The following CDKAL1 variants were observed in gnomAD, a reference collection of about 807,000 sequenced individuals.
The protein encoded by CDKAL1 is CDKAL1 threonylcarbamoyladenosine tRNA methylthiotransferase.
A neutral mutation model predicts 68.2 loss-of-function variants in CDKAL1; 32 were observed. The observed-to-expected ratio is 0.47, with a 90% CI of 0.35 to 0.63. The LOEUF (loss-of-function observed/expected upper bound fraction) is 0.63. Among genes scored for constraint, CDKAL1 ranks in the 30% least tolerant of loss-of-function variants. The pLI, the probability that CDKAL1 is intolerant of heterozygous loss-of-function variation, is 0.00. For missense variants in CDKAL1, 606 were observed against 696.7 expected, an observed-to-expected ratio of 0.87 and a Z score of 1.47; for synonymous variants, 234 against 244.3, an observed-to-expected ratio of 0.96 and a Z score of 0.39.
chr6:20,750,497 G>T (rs1015136561), intron 6 of CDKAL1, among the ~76,000 whole-genome samples: 1 of 152,164 alleles, frequency 6.6e-6, no homozygotes, highest in Non-Finnish European at 1.5e-5. Context: ...GAAAGTTCAC[G>T]TTCAGTTGAA....
intron 6 of CDKAL1, among the ~76,000 whole-genome samples, chr6:20,756,929 TTCCCTTCCTTCCC>T (rs1774237115): frequency 1.6e-5 from 2 of 124,594 alleles, no homozygotes; most frequent in African/African-American, 6.1e-5. Flanking sequence ...CCTTCCCTCC[TTCCCTTCCTTCCC>T]TCCTTCCTTC....
chr6:21,161,392 A>C (rs1036859067), intron 13 of CDKAL1, among the ~76,000 whole-genome samples: 11 of 152,224 alleles, frequency 7.2e-5, no homozygotes, highest in Non-Finnish European at 1.5e-4. Context: ...GAAAAACAAT[A>C]TTGAATGGTA....
intron 14 of CDKAL1, 64 bp downstream of exon 14, chr6:21,198,168 C>CA (rs1328081504): frequency 8.9e-7 from 1 of 1,129,624 alleles, no homozygotes; most frequent in Admixed American, 2.0e-5. Flanking sequence ...AAAGTTTAAG[C>CA]AAAGGGCATT....
chr6:20,635,602 A>C (rs1424657628), intron 4 of CDKAL1, among the ~76,000 whole-genome samples: 2 of 152,178 alleles, frequency 1.3e-5, no homozygotes, highest in African/African-American at 4.8e-5. Context: ...TTACTCAAAA[A>C]GTTTCAGATT....
intron 13 of CDKAL1, among the ~76,000 whole-genome samples, chr6:21,194,691 A>G (rs1323091504): frequency 1.3e-5 from 2 of 152,222 alleles, no homozygotes; most frequent in African/African-American, 4.8e-5. Context: ...GACAGCATCT[A>G]GAAAGTGTAG....
At chr6:21,111,231 C>T (rs1285776216) in intron 13 of CDKAL1, among the ~76,000 whole-genome samples, 1 of 152,028 alleles carries the variant, frequency 6.6e-6, no homozygotes, top group East Asian at 1.9e-4. Flanking sequence ...TTCATTTTCC[C>T]CTTGACGTAA....
chr6:20,618,424 C>T (rs1457208991), intron 4 of CDKAL1, among the ~76,000 whole-genome samples: 1 of 152,098 alleles, frequency 6.6e-6, no homozygotes, highest in African/African-American at 2.4e-5. Flanking sequence ...TTAATTAGAT[C>T]CCATTTGTCA....
At chr6:20,558,475 C>A in intron 4 of CDKAL1, 1 of 455,672 alleles carries the variant, frequency 2.2e-6, no homozygotes, top group Non-Finnish European at 4.4e-6. Context: ...GTATGATAAA[C>A]AACTGGGGTT....
Position 20,609,260 on chromosome 6 carries a change from C to CCTTCTTCTTCCTCCTTCCTT in CDKAL1, c.287-40029_287-40028insTTCTTCCTCCTTCCTTCTTC, listed in dbSNP as rs111264710. Among the ~76,000 whole-genome samples the CCTTCTTCTTCCTCCTTCCTT allele has an allele frequency of 6.6e-3, 790 of 120,600 alleles. 14 individuals are homozygous for CCTTCTTCTTCCTCCTTCCTT. Among genetic ancestry groups the CCTTCTTCTTCCTCCTTCCTT allele is most frequent in the African/African-American group, 0.021 (761 of 36,542 alleles). 79.1% of individuals were successfully genotyped at this position (120,600 alleles called of 152,430 possible). A position where few individuals can be genotyped will look rare whatever the true frequency, so the allele number is the denominator to read the frequency against. On this transcript the variant is annotated intron_variant, in intron 4 of 15. Coordinates refer to ENST00000274695, the MANE Select transcript of CDKAL1 (RefSeq NM_017774.3). ...TCTTCCTTCCTTCTTCTTCCTCCTTCCTTCCTCCTCCTTCTCCTCCTTCTC... is the reference window on the plus strand; with the variant it reads ...TCTTCCTTCCTTCTTCTTCCTCCTTCCTTCTTCTTCCTCCTTCCTTCTTCCTCCTCCTTCTCCTCCTTCTC...
At chr6:20,977,058 T>TA (rs1765878696) in intron 10 of CDKAL1, among the ~76,000 whole-genome samples, 1 of 152,202 alleles carries the variant, frequency 6.6e-6, no homozygotes, top group Admixed American at 6.5e-5. Flanking sequence ...TTGGCTTTAA[T>TA]AAAATTGCCC....
At chr6:21,162,598 T>A (rs1776971191) in intron 13 of CDKAL1, among the ~76,000 whole-genome samples, 1 of 152,170 alleles carries the variant, frequency 6.6e-6, no homozygotes, top group African/African-American at 2.4e-5. Flanking sequence ...ATATGTAACT[T>A]CCTTGATGCT....
chr6:21,202,930 C>G (rs939830584), intron 15 of CDKAL1, among the ~76,000 whole-genome samples: 1 of 152,162 alleles, frequency 6.6e-6, no homozygotes, highest in African/African-American at 2.4e-5. Flanking sequence ...GATGAGGAAG[C>G]CAGTTGGTTG....
At chr6:20,868,519 G>GGCA (rs1760025849) in intron 9 of CDKAL1, among the ~76,000 whole-genome samples, 1 of 152,192 alleles carries the variant, frequency 6.6e-6, no homozygotes, top group South Asian at 2.1e-4. Flanking sequence ...AAGCGGCCGT[G>GGCA]GCAGCAGCAG....
intron 13 of CDKAL1, among the ~76,000 whole-genome samples, chr6:21,189,349 A>G (rs989286305): frequency 1.3e-5 from 2 of 152,236 alleles, no homozygotes; most frequent in Non-Finnish European, 2.9e-5. Context: ...TAAGATACTC[A>G]TGGCAATTAA....
intron 13 of CDKAL1, among the ~76,000 whole-genome samples, chr6:21,181,004 C>T (rs76981086): frequency 0.14 from 21,474 of 152,116 alleles, 1,791 homozygotes; most frequent in Non-Finnish European, 0.19. Flanking sequence ...TGACCAGGCC[C>T]TTACTGCTGG....
chr6:20,773,518 G>A (rs1775032806), intron 7 of CDKAL1, among the ~76,000 whole-genome samples: 1 of 152,050 alleles, frequency 6.6e-6, no homozygotes, highest in Admixed American at 6.6e-5. Context: ...GAATTGATAT[G>A]TACGGTACAT....
intron 12 of CDKAL1, among the ~76,000 whole-genome samples, chr6:21,097,328 G>T (rs1008106602): frequency 7.9e-5 from 12 of 152,110 alleles, no homozygotes; most frequent in Admixed American, 2.0e-4. Context: ...AAATAAGCTG[G>T]GTGTGGTGGC....
intron 9 of CDKAL1, among the ~76,000 whole-genome samples, chr6:20,857,985 G>C (rs999047762): frequency 6.6e-6 from 1 of 152,034 alleles, no homozygotes; most frequent in African/African-American, 2.4e-5. Flanking sequence ...TCAGTCTCTC[G>C]AGTAACTGGG....
chr6:21,029,964 T>A (rs1769181213), intron 11 of CDKAL1, among the ~76,000 whole-genome samples: 1 of 152,120 alleles, frequency 6.6e-6, no homozygotes, highest in Non-Finnish European at 1.5e-5. Context: ...GACCCAGCAA[T>A]CTCATTACTG....
Sources: allele counts gnomAD v4.1 joint callset (sites outside exome capture counted in the v4.1 genomes callset), GRCh38; gene constraint gnomAD v4.1.1; transcripts MANE v1.5; gene names NCBI Gene and HGNC (gene_info 2026-07-23, HGNC 2026-07-21).